Variants in NRG1 observed in about 807,000 individuals in gnomAD.
The protein encoded by NRG1 is neuregulin 1, also known as pro-neuregulin-1, membrane-bound isoform.
NRG1 carries 18 observed loss-of-function variants against 63.8 expected under a neutral mutation model. That is an observed-to-expected ratio of 0.28 (90% CI 0.19 to 0.42). The LOEUF is 0.42. Among genes scored for constraint, NRG1 ranks in the 10% least tolerant of loss-of-function variants. The probability of loss-of-function intolerance (pLI) is 1.00; values close to 1 mark genes in which losing one functional copy is unlikely to be tolerated. For synonymous variants in NRG1, 302 were observed against 301.3 expected, an observed-to-expected ratio of 1.00 and a Z score of -0.02; for missense variants, 762 against 814.7, an observed-to-expected ratio of 0.94 and a Z score of 0.79.
chr8:31,665,065 T>G (rs1221537647), intron 1 of NRG1, among the ~76,000 whole-genome samples: 1 of 151,928 alleles, frequency 6.6e-6, no homozygotes, highest in Non-Finnish European at 1.5e-5. Context: ...AGGCTGGAGG[T>G]GGACCTTCAA....
chr8:32,672,149 A>G (rs770769468), intron 5 of NRG1, among the ~76,000 whole-genome samples: 2 of 151,662 alleles, frequency 1.3e-5, no homozygotes, highest in Non-Finnish European at 2.9e-5. Context: ...GGTTCCAGCG[A>G]TTCTCCTGCC....
chr8:32,655,864 A>G (rs1326031462), intron 5 of NRG1, among the ~76,000 whole-genome samples: 2 of 152,146 alleles, frequency 1.3e-5, no homozygotes, highest in African/African-American at 4.8e-5. Flanking sequence ...GTTTTTGGAA[A>G]GATTGGGACA....
intron 1 of NRG1, among the ~76,000 whole-genome samples, chr8:31,693,331 T>C (rs1809724891): frequency 6.6e-6 from 1 of 152,184 alleles, no homozygotes. Flanking sequence ...GGAATATAAT[T>C]TGTCCAAAAC....
intron 1 of NRG1, among the ~76,000 whole-genome samples, chr8:31,878,270 T>A (rs1373742036): frequency 6.6e-6 from 1 of 152,220 alleles, no homozygotes; most frequent in African/African-American, 2.4e-5. Flanking sequence ...TAACCTTACA[T>A]CTTTTTTATG....
At chr8:32,658,915 G>T (rs1171339224) in intron 5 of NRG1, among the ~76,000 whole-genome samples, 1 of 152,194 alleles carries the variant, frequency 6.6e-6, no homozygotes, top group African/African-American at 2.4e-5. Flanking sequence ...ACATGTTTTG[G>T]TGACATATTT....
chr8:32,280,295 T>G (rs1207733410), intron 1 of NRG1, among the ~76,000 whole-genome samples: 1 of 152,234 alleles, frequency 6.6e-6, no homozygotes, highest in Non-Finnish European at 1.5e-5. Context: ...TTTTTCCACT[T>G]CATATGACTC....
At chr8:31,997,081 A>G (rs1812108949) in intron 1 of NRG1, among the ~76,000 whole-genome samples, 1 of 151,884 alleles carries the variant, frequency 6.6e-6, no homozygotes, top group East Asian at 1.9e-4. Context: ...AGTTTTTCCC[A>G]TATTGGTAAA....
chr8:32,316,353 G>A (rs574767176), intron 1 of NRG1, among the ~76,000 whole-genome samples: 59 of 152,048 alleles, frequency 3.9e-4, no homozygotes, highest in Non-Finnish European at 7.2e-4. Flanking sequence ...GCGCATGCCT[G>A]TAGTCCCAGC....
chr8:32,327,815 C>T (rs1802188950), intron 1 of NRG1, among the ~76,000 whole-genome samples: 5 of 152,168 alleles, frequency 3.3e-5, no homozygotes, highest in Admixed American at 3.3e-4. Flanking sequence ...GATTCCTCTG[C>T]TGTTGATGGA....
intron 1 of NRG1, among the ~76,000 whole-genome samples, chr8:32,265,303 C>G (rs1361415235): frequency 6.6e-6 from 1 of 151,788 alleles, no homozygotes; most frequent in Non-Finnish European, 1.5e-5. Flanking sequence ...CCACTGCACT[C>G]CAGCCTGGGC....
At chr8:31,856,879 G>T (rs376402444) in intron 1 of NRG1, among the ~76,000 whole-genome samples, 1 of 152,298 alleles carries the variant, frequency 6.6e-6, no homozygotes, top group South Asian at 2.1e-4. Flanking sequence ...GCCGTGTGAG[G>T]TGTCAGTCTG....
chr8:32,527,298 C>G (rs1009158845), intron 1 of NRG1, among the ~76,000 whole-genome samples: 1 of 152,062 alleles, frequency 6.6e-6, no homozygotes, highest in African/African-American at 2.4e-5. Context: ...ACACATACAA[C>G]ACACACAGAC....
chr8:32,419,657 T>C (rs1020688146), intron 1 of NRG1, among the ~76,000 whole-genome samples: 1 of 152,228 alleles, frequency 6.6e-6, no homozygotes, highest in African/African-American at 2.4e-5. Context: ...TTTTTGTTAA[T>C]AGATTTTAAT....
At chr8:32,112,147 T>A (rs1279466546) in intron 1 of NRG1, among the ~76,000 whole-genome samples, 1 of 152,220 alleles carries the variant, frequency 6.6e-6, no homozygotes, top group Admixed American at 6.5e-5. Context: ...AGAAACTCTA[T>A]GTAACAGCAA....
At chr8:31,752,319 A>G (rs1397164032) in intron 1 of NRG1, among the ~76,000 whole-genome samples, 4 of 152,056 alleles carry the variant, frequency 2.6e-5, no homozygotes, top group African/African-American at 9.7e-5. Context: ...CTAAGTGGGC[A>G]AGATGATTAG....
At chr8:31,977,521 T>C (rs144801052) in intron 1 of NRG1, among the ~76,000 whole-genome samples, 3 of 152,238 alleles carry the variant, frequency 2.0e-5, no homozygotes, top group African/African-American at 7.2e-5. Context: ...TGTCTACCAT[T>C]TTTTTCTTCT....
intron 1 of NRG1, among the ~76,000 whole-genome samples, chr8:32,097,229 C>T (rs935261244): frequency 1.3e-5 from 2 of 152,146 alleles, no homozygotes; most frequent in Non-Finnish European, 2.9e-5. Context: ...ACCACATTTT[C>T]TTTATCCATT....
At chr8:31,686,831 C>T (rs1468578043) in intron 1 of NRG1, among the ~76,000 whole-genome samples, 2 of 151,970 alleles carry the variant, frequency 1.3e-5, no homozygotes, top group Non-Finnish European at 2.9e-5. Flanking sequence ...TGTAGTGGTG[C>T]AATTTCTGCT....
chr8:32,752,882 G>C (rs1193716317), intron 7 of NRG1, among the ~76,000 whole-genome samples: 3 of 152,082 alleles, frequency 2.0e-5, no homozygotes, highest in Non-Finnish European at 4.4e-5. Flanking sequence ...CAATGTTCTT[G>C]ACCTGTTTAC....
Sources: gnomAD v4.1 joint callset for allele counts (sites outside exome capture counted in the v4.1 genomes callset) on GRCh38, gnomAD v4.1.1 for gene constraint, MANE v1.5 for transcripts, NCBI Gene and HGNC (gene_info 2026-07-23, HGNC 2026-07-21) for gene names.